Variants in FAF1 observed in about 807,000 individuals in gnomAD.
The protein encoded by FAF1 is Fas associated factor 1.
In FAF1, 25 loss-of-function variants were observed where a neutral mutation model predicts 92.5. The ratio of observed to expected loss-of-function variants is 0.27; its 90% CI spans 0.20 to 0.38. FAF1 has a LOEUF of 0.38. Ranked by LOEUF, FAF1 falls within the 10% of genes least tolerant of loss-of-function variation. The pLI is 1.00. For missense variants in FAF1, 636 were observed against 793.3 expected (o/e 0.80, Z 2.38); for synonymous variants, 234 against 273.2 (o/e 0.86, Z 1.42).
chr1:50,629,353 G>A (rs757226072), intron 8 of FAF1, among the ~76,000 whole-genome samples: 12 of 152,064 alleles, frequency 7.9e-5, no homozygotes, highest in African/African-American at 1.2e-4. Context: ...TATTTTAATA[G>A]AGACAGGGTT....
In FAF1 at chr1:50,738,865, A is replaced by C; in HGVS notation, c.549T>G (p.Ala183=). The change falls in exon 6 of 19, where the codon GCT becomes GCG. Residue 183 remains alanine, a splice_region_variant and synonymous_variant. Coordinates refer to ENST00000396153, the MANE Select transcript of FAF1 (RefSeq NM_007051.3). ...DLPPPSSSSH[A]GALQESLNQN... Reference sequence around the variant, plus strand: ...CCCAGGAAATATAAACAACTTACCCAGCATGACTAGATGATGAAGGTGGTG... The same window carrying C: ...CCCAGGAAATATAAACAACTTACCCCGCATGACTAGATGATGAAGGTGGTG... The C allele has an allele frequency of 6.3e-7, 1 of 1,593,286 alleles. No individual in the cohort carries two copies. Among genetic ancestry groups the C allele is most frequent in the Non-Finnish European group, 8.6e-7 (1 of 1,164,200 alleles).
At chr1:50,639,274 T>C (rs1184596361) in intron 8 of FAF1, among the ~76,000 whole-genome samples, 1 of 152,220 alleles carries the variant, frequency 6.6e-6, no homozygotes, top group African/African-American at 2.4e-5. Flanking sequence ...TACAAATCTT[T>C]GTGAGAACAT....
At chr1:50,839,434 G>A (rs1160898574) in intron 2 of FAF1, among the ~76,000 whole-genome samples, 1 of 152,046 alleles carries the variant, frequency 6.6e-6, no homozygotes, top group South Asian at 2.1e-4. Context: ...TATTTCTCCA[G>A]GTGCTTTATT....
intron 8 of FAF1, among the ~76,000 whole-genome samples, chr1:50,598,119 T>C (rs188441088): frequency 1.3e-5 from 2 of 152,100 alleles, no homozygotes; most frequent in Non-Finnish European, 2.9e-5. Flanking sequence ...CATAGTGAGA[T>C]CTTGTCTCTA....
chr1:50,763,588 C>A (rs1445430902), intron 4 of FAF1, among the ~76,000 whole-genome samples: 1 of 152,116 alleles, frequency 6.6e-6, no homozygotes, highest in East Asian at 1.9e-4. Flanking sequence ...AGACAACATC[C>A]TTCCCTCTCC....
At chr1:50,696,645 A>C (rs1264505190) in intron 7 of FAF1, among the ~76,000 whole-genome samples, 1 of 152,148 alleles carries the variant, frequency 6.6e-6, no homozygotes, top group East Asian at 1.9e-4. Context: ...ATGGACTAAA[A>C]CTGTACTGGC....
At chr1:50,847,914 G>A (rs1421219749) in intron 2 of FAF1, among the ~76,000 whole-genome samples, 1 of 151,348 alleles carries the variant, frequency 6.6e-6, no homozygotes, top group East Asian at 1.9e-4. Flanking sequence ...CACCCCTCTA[G>A]GCATATCATA....
At chr1:50,762,402 A>G (rs2124530657) in intron 4 of FAF1, among the ~76,000 whole-genome samples, 1 of 152,174 alleles carries the variant, frequency 6.6e-6, no homozygotes, top group Admixed American at 6.5e-5. Flanking sequence ...AGCCAAAAGA[A>G]CAAAGCTGGA....
intron 13 of FAF1, among the ~76,000 whole-genome samples, chr1:50,546,370 TTTTG>T (rs767209823): frequency 6.6e-5 from 10 of 152,170 alleles, no homozygotes; most frequent in East Asian, 1.9e-4. Flanking sequence ...TGGTTTCTTT[TTTTG>T]TTTGTTTTTG....
intron 5 of FAF1, among the ~76,000 whole-genome samples, chr1:50,742,540 C>A (rs1011073356): frequency 6.6e-6 from 1 of 152,048 alleles, no homozygotes; most frequent in African/African-American, 2.4e-5. Context: ...TGCACCACCA[C>A]GCCCAGCTAA....
intron 4 of FAF1, among the ~76,000 whole-genome samples, chr1:50,753,110 A>C (rs1440085931): frequency 2.0e-5 from 3 of 152,224 alleles, no homozygotes; most frequent in African/African-American, 7.2e-5. Context: ...TCACCACCTT[A>C]ATCAATGTTA....
intron 18 of FAF1, among the ~76,000 whole-genome samples, 160 bp from the exon 19 acceptor site, chr1:50,441,683 G>C (rs185884934): frequency 6.6e-6 from 1 of 152,316 alleles, no homozygotes; most frequent in Admixed American, 6.5e-5. Flanking sequence ...CAAGGCAGGT[G>C]TTGTTATTCT....
intron 2 of FAF1, among the ~76,000 whole-genome samples, chr1:50,855,024 C>T (rs575845371): frequency 6.6e-5 from 10 of 151,528 alleles, no homozygotes; most frequent in South Asian, 2.1e-4. Context: ...AGGAAATCCT[C>T]GATTGAACAT....
At chr1:50,694,266 GAATT>G (rs1657088721) in intron 7 of FAF1, among the ~76,000 whole-genome samples, 1 of 151,842 alleles carries the variant, frequency 6.6e-6, no homozygotes, top group African/African-American at 2.4e-5. Context: ...CTCTTAGGAG[GAATT>G]ATTTCACATT....
intron 3 of FAF1, among the ~76,000 whole-genome samples, chr1:50,795,587 T>C (rs1661718786): frequency 6.6e-6 from 1 of 152,166 alleles, no homozygotes; most frequent in Non-Finnish European, 1.5e-5. Context: ...TATAAATGCT[T>C]TATATCAGTG....
At chr1:50,466,802 G>C (rs2148993128) in intron 18 of FAF1, among the ~76,000 whole-genome samples, 1 of 152,224 alleles carries the variant, frequency 6.6e-6, no homozygotes, top group South Asian at 2.1e-4. Context: ...GACTTTATTA[G>C]ACAAAGCCCC....
intron 6 of FAF1, among the ~76,000 whole-genome samples, chr1:50,706,711 T>C (rs763221849): frequency 1.3e-5 from 2 of 152,226 alleles, no homozygotes; most frequent in Non-Finnish European, 2.9e-5. Context: ...ATTAGAAATA[T>C]TATTTTCATC....
chr1:50,481,386 T>C (rs1646702403), intron 17 of FAF1, among the ~76,000 whole-genome samples: 1 of 152,206 alleles, frequency 6.6e-6, no homozygotes, highest in Non-Finnish European at 1.5e-5. Flanking sequence ...CTTTGTACTG[T>C]ACCTTTTTAT....
At chr1:50,780,145 A>G (rs1338266803) in intron 4 of FAF1, among the ~76,000 whole-genome samples, 1 of 152,206 alleles carries the variant, frequency 6.6e-6, no homozygotes, top group Non-Finnish European at 1.5e-5. Flanking sequence ...CTTCCCAACC[A>G]AAAGACATAA....
Sources: allele counts gnomAD v4.1 joint callset (sites outside exome capture counted in the v4.1 genomes callset), GRCh38; gene constraint gnomAD v4.1.1; transcripts MANE v1.5; gene names NCBI Gene and HGNC (gene_info 2026-07-23, HGNC 2026-07-21).